The following PREP variants were observed in gnomAD, a reference collection of about 807,000 sequenced individuals.
PREP encodes prolyl endopeptidase.
PREP carries 29 observed loss-of-function variants against 87.6 expected under a neutral mutation model. The ratio of observed to expected loss-of-function variants is 0.33; its 90% CI spans 0.25 to 0.45. The LOEUF (loss-of-function observed/expected upper bound fraction) is 0.45. Among genes scored for constraint, PREP ranks in the 20% least tolerant of loss-of-function variants. PREP has a pLI of 1.00. For synonymous variants in PREP, 337 were observed against 328.6 expected, an observed-to-expected ratio of 1.03 and a Z score of -0.28; for missense variants, 695 against 886.5, an observed-to-expected ratio of 0.78 and a Z score of 2.74.
intron 5 of PREP, 116 bp downstream of exon 5, chr6:105,373,253 A>G: frequency 8.8e-7 from 1 of 1,131,168 alleles, no homozygotes; most frequent in Non-Finnish European, 1.3e-6. Flanking sequence ...ACATCCTTTG[A>G]GGAAACATGG....
chr6:105,320,992 C>T (rs1297035231), intron 10 of PREP, among the ~76,000 whole-genome samples: 1 of 152,190 alleles, frequency 6.6e-6, no homozygotes, highest in Non-Finnish European at 1.5e-5. Flanking sequence ...AGCTCTGCTG[C>T]ACACATACAC....
At chr6:105,327,786 C>T (rs1307174181) in intron 9 of PREP, among the ~76,000 whole-genome samples, 1 of 152,160 alleles carries the variant, frequency 6.6e-6, no homozygotes, top group Non-Finnish European at 1.5e-5. Flanking sequence ...TTTTTTCAGC[C>T]AGATTGCTTT....
In PREP at chr6:105,287,932, C is replaced by T. The variant is rs558854253; in HGVS notation, c.1454+826G>A. Among the ~76,000 whole-genome samples the T allele has an allele frequency of 1.4e-4, 21 of 152,256 alleles. No individual in the cohort carries two copies. In the East Asian group the frequency reaches 1.5e-3, roughly 11 times the overall value. On this transcript the variant is annotated intron_variant, in intron 11 of 14. Coordinates refer to ENST00000652536, the MANE Select transcript of PREP (RefSeq NM_002726.5). Reference sequence around the variant, plus strand: ...ATAAATGTAGAATTTTCTCCCTGAACGTAATTATCTGGGAAATAATCACAG... The same window carrying T: ...ATAAATGTAGAATTTTCTCCCTGAATGTAATTATCTGGGAAATAATCACAG...
intron 10 of PREP, chr6:105,322,383 T>C (rs1432712999): frequency 4.2e-6 from 4 of 949,144 alleles, no homozygotes; most frequent in African/African-American, 1.8e-5. Context: ...AAAAAACAGA[T>C]ACTATCAATC....
At chr6:105,334,402 CATTT>C (rs1771425575) in intron 7 of PREP, among the ~76,000 whole-genome samples, 1 of 152,154 alleles carries the variant, frequency 6.6e-6, no homozygotes, top group African/African-American at 2.4e-5. Context: ...AAGATCTATT[CATTT>C]ATTTGTTTTT....
chr6:105,285,792 TTGAGACAGAGTCTCACTCTGTCA>T (rs1295060521), intron 11 of PREP, among the ~76,000 whole-genome samples: 1 of 152,222 alleles, frequency 6.6e-6, no homozygotes. Flanking sequence ...TACATATTTT[TTGAGACAGAGTCTCACTCTGTCA>T]CCCAGGCTGG....
chr6:105,395,840 T>C (rs1773273855), intron 2 of PREP, among the ~76,000 whole-genome samples: 1 of 152,226 alleles, frequency 6.6e-6, no homozygotes, highest in African/African-American at 2.4e-5. Context: ...CATCAGGTCC[T>C]TAGAGACAGT....
At position 105,329,775 on chromosome 6, in the gene PREP, G is replaced by A. The variant is rs150812042; in HGVS notation, c.1016-749C>T. 1.2e-4 allele frequency among the ~76,000 whole-genome samples: 19 copies of A among 152,342 alleles called. No individual in the cohort carries two copies. The East Asian group carries it at 3.5e-3, about 28-fold the overall frequency. On this transcript the variant is annotated intron_variant, in intron 8 of 14. Coordinates refer to ENST00000652536, the MANE Select transcript of PREP (RefSeq NM_002726.5). ...TAGTAAGATGAGGTCGATTCTGCTC[G>A]TGAGACAAAATCATATAAAAATGCA...
At chr6:105,393,892 T>C (rs1773224358) in intron 2 of PREP, among the ~76,000 whole-genome samples, 1 of 151,960 alleles carries the variant, frequency 6.6e-6, no homozygotes, top group African/African-American at 2.4e-5. Context: ...ACTGGTTTTA[T>C]GTAATCCATA....
chr6:105,339,700 G>C (rs1771584043), intron 7 of PREP, among the ~76,000 whole-genome samples: 1 of 152,188 alleles, frequency 6.6e-6, no homozygotes, highest in Non-Finnish European at 1.5e-5. Flanking sequence ...TAAATGACCT[G>C]ATGGAGCTGA....
chr6:105,274,219 T>G lies in PREP; in HGVS notation c.*3925A>C, dbSNP rs919681407. Among the ~76,000 whole-genome samples, 5 of 151,968 alleles carry G rather than the reference T, an allele frequency of 3.3e-5. No homozygotes were observed. Among genetic ancestry groups the G allele is most frequent in the East Asian group, 1.9e-4 (1 of 5,176 alleles). ...ATCTAAGATCAAGGCACTGGCAGAT[T>G]TGGTGTCTAATGAGGGTTGCTTCCT... On this transcript the variant is annotated 3_prime_UTR_variant, in exon 15 of 15. Coordinates refer to ENST00000652536, the MANE Select transcript of PREP (RefSeq NM_002726.5).
chr6:105,285,152 GAATA>G (rs1180079786), intron 12 of PREP, among the ~76,000 whole-genome samples: 1 of 152,038 alleles, frequency 6.6e-6, no homozygotes, highest in Non-Finnish European at 1.5e-5. Flanking sequence ...ACAAGAGACA[GAATA>G]AATACCAAAA....
At chr6:105,328,389 C>G (rs1367504282) in intron 9 of PREP, among the ~76,000 whole-genome samples, 1 of 152,088 alleles carries the variant, frequency 6.6e-6, no homozygotes, top group East Asian at 1.9e-4. Context: ...TCCTGAGCAG[C>G]TGGGACTATA....
intron 6 of PREP, among the ~76,000 whole-genome samples, chr6:105,368,409 G>A (rs1047993008): frequency 6.6e-6 from 1 of 152,092 alleles, no homozygotes; most frequent in East Asian, 1.9e-4. Context: ...GACCCCCAAG[G>A]AATATATGAA....
chr6:105,362,604 G>A (rs562246335), intron 6 of PREP, among the ~76,000 whole-genome samples: 1 of 152,294 alleles, frequency 6.6e-6, no homozygotes, highest in South Asian at 2.1e-4. Flanking sequence ...TATGAAGAGC[G>A]GCACAGCCTT....
At chr6:105,287,322 T>C (rs1562187287) in intron 11 of PREP, among the ~76,000 whole-genome samples, 1 of 152,170 alleles carries the variant, frequency 6.6e-6, no homozygotes, top group Non-Finnish European at 1.5e-5. Flanking sequence ...GCTGTCAATA[T>C]AGAATGAATG....
intron 2 of PREP, among the ~76,000 whole-genome samples, chr6:105,391,314 A>C (rs866063558): frequency 5.3e-5 from 8 of 152,152 alleles, no homozygotes; most frequent in Admixed American, 2.0e-4. Context: ...CCCAGGAAGC[A>C]GTGGTTGCAG....
chr6:105,284,620 A>G (rs1440604809), intron 12 of PREP, among the ~76,000 whole-genome samples: 1 of 152,126 alleles, frequency 6.6e-6, no homozygotes, highest in Non-Finnish European at 1.5e-5. Context: ...GACTGGGGGA[A>G]GCATAGAGCT....
chr6:105,360,484 G>C (rs1427843936), intron 6 of PREP, among the ~76,000 whole-genome samples: 4 of 152,170 alleles, frequency 2.6e-5, no homozygotes, highest in Admixed American at 2.6e-4. Flanking sequence ...CATAAGGTAT[G>C]GGGGTATTGT....
Sources: gnomAD v4.1 joint callset for allele counts (sites outside exome capture counted in the v4.1 genomes callset) on GRCh38, gnomAD v4.1.1 for gene constraint, MANE v1.5 for transcripts, NCBI Gene and HGNC (gene_info 2026-07-23, HGNC 2026-07-21) for gene names.